CAMTA1: variants seen among roughly 807,000 people sequenced by gnomAD.
The protein encoded by CAMTA1 is calmodulin-binding transcription activator 1.
In CAMTA1, 27 loss-of-function variants were observed where a neutral mutation model predicts 170.9. The ratio of observed to expected loss-of-function variants is 0.16; its 90% CI spans 0.12 to 0.22. The LOEUF is 0.22. CAMTA1 is among the 10% of genes least tolerant of loss of function. The pLI is 1.00. For missense variants in CAMTA1, 1,619 were observed against 2,217.2 expected, an observed-to-expected ratio of 0.73 and a Z score of 5.42; for synonymous variants, 833 against 891.5, an observed-to-expected ratio of 0.93 and a Z score of 1.17.
intron 3 of CAMTA1, among the ~76,000 whole-genome samples, chr1:6,899,538 A>G (rs867815713): frequency 1.6e-4 from 19 of 117,670 alleles, no homozygotes; most frequent in African/African-American, 6.0e-4. Flanking sequence ...TATGTGTATA[A>G]CGCGCACGCG....
At chr1:7,201,857 G>T (rs539627630) in intron 4 of CAMTA1, among the ~76,000 whole-genome samples, 1 of 151,640 alleles carries the variant, frequency 6.6e-6, no homozygotes, top group African/African-American at 2.4e-5. Flanking sequence ...TTTTTTTGGT[G>T]TCCTTTGAAG....
intron 3 of CAMTA1, among the ~76,000 whole-genome samples, chr1:6,830,967 C>T (rs981801191): frequency 5.9e-5 from 9 of 151,938 alleles, no homozygotes; most frequent in Non-Finnish European, 1.2e-4. Context: ...TACAGGCACC[C>T]GTCACCACGC....
intron 6 of CAMTA1, among the ~76,000 whole-genome samples, chr1:7,629,388 AG>A (rs1388340516): frequency 6.6e-6 from 1 of 152,258 alleles, no homozygotes; most frequent in Non-Finnish European, 1.5e-5. Flanking sequence ...CTTATGGATC[AG>A]CCATCCGGGA....
intron 3 of CAMTA1, among the ~76,000 whole-genome samples, chr1:6,878,712 G>A (rs1670628966): frequency 6.6e-6 from 1 of 152,244 alleles, no homozygotes; most frequent in African/African-American, 2.4e-5. Flanking sequence ...GTTGCCATCA[G>A]CAGGAAGCTG....
chr1:7,683,775 C>T (rs2096233988), intron 11 of CAMTA1, among the ~76,000 whole-genome samples: 1 of 152,252 alleles, frequency 6.6e-6, no homozygotes, highest in Non-Finnish European at 1.5e-5. Flanking sequence ...CCGTCTCTCG[C>T]TGTCTGTGGG....
At chr1:7,196,140 C>T (rs1018152937) in intron 4 of CAMTA1, among the ~76,000 whole-genome samples, 1 of 152,088 alleles carries the variant, frequency 6.6e-6, no homozygotes, top group African/African-American at 2.4e-5. Flanking sequence ...TTGCTGTTCT[C>T]GTGATAGTGA....
intron 1 of CAMTA1, among the ~76,000 whole-genome samples, chr1:6,787,997 A>G (rs1386981830): frequency 6.6e-6 from 1 of 152,190 alleles, no homozygotes; most frequent in Non-Finnish European, 1.5e-5. Context: ...TTGGCCATTT[A>G]AATAATTGAG....
At chr1:7,149,245 C>T (rs1301065174) in intron 4 of CAMTA1, among the ~76,000 whole-genome samples, 2 of 152,342 alleles carry the variant, frequency 1.3e-5, no homozygotes, top group Non-Finnish European at 2.9e-5. Flanking sequence ...GTGCTCCTCC[C>T]TGAAGGACAG....
intron 4 of CAMTA1, among the ~76,000 whole-genome samples, chr1:7,131,492 G>C (rs946261374): frequency 2.7e-5 from 4 of 150,072 alleles, no homozygotes; most frequent in Admixed American, 2.7e-4. Context: ...TTTATGTGTG[G>C]TGTGAGATGA....
Position 7,299,646 on chromosome 1 carries a change from A to G in CAMTA1, c.438+50020A>G, listed in dbSNP as rs1023085591. ...TTCCATCTCCTCCCTGGCCACATTCAGGCAGCAATGCCCCAACCCCACACA... is the reference window on the plus strand; with the variant it reads ...TTCCATCTCCTCCCTGGCCACATTCGGGCAGCAATGCCCCAACCCCACACA... On this transcript the variant is annotated intron_variant, in intron 5 of 22. Transcript: ENST00000303635. The surrounding 1 kb of genome is among the most constrained non-coding windows in gnomAD (Gnocchi z 4.7). Among the ~76,000 whole-genome samples, 1 of 152,172 alleles carries G rather than the reference A, an allele frequency of 6.6e-6. No homozygotes were observed. The highest frequency in any genetic ancestry group is 2.4e-5 in the African/African-American group (1 of 41,438).
In CAMTA1 at chr1:6,995,295, C is replaced by CTTTTTTTTTTTTTTTTTTTTTT. The variant is rs765139922; in HGVS notation, c.235-96006_235-95985dup. ...TCCTTTAAAATCTTTTTTTTCTTTT[C>CTTTTTTTTTTTTTTTTTTTTTT]TTTTTTTTTTTTTTTTTTTTTTTTG... On this transcript the variant is annotated intron_variant, in intron 3 of 22. Coordinates refer to ENST00000303635, the MANE Select transcript of CAMTA1 (RefSeq NM_015215.4). Among the ~76,000 whole-genome samples, 57 of 60,622 alleles carry CTTTTTTTTTTTTTTTTTTTTTT rather than the reference C, an allele frequency of 9.4e-4. 7 individuals carry two copies. The highest frequency in any genetic ancestry group is 2.4e-3 in the South Asian group (3 of 1,266). 39.8% of individuals were successfully genotyped at this position (60,622 alleles called of 152,430 possible).
chr1:6,802,625 G>T (rs1475859650), intron 1 of CAMTA1, among the ~76,000 whole-genome samples: 1 of 152,234 alleles, frequency 6.6e-6, no homozygotes, highest in Non-Finnish European at 1.5e-5. Context: ...AGTGTTCAGT[G>T]TAGCTACAGA....
At chr1:6,855,464 A>AAGAG (rs369751152) in intron 3 of CAMTA1, among the ~76,000 whole-genome samples, 2 of 150,446 alleles carry the variant, frequency 1.3e-5, no homozygotes, top group African/African-American at 4.9e-5. Flanking sequence ...GAGCAGGAGC[A>AAGAG]AGAGAGAGAG....
chr1:7,034,844 T>A (rs1275123407), intron 3 of CAMTA1, among the ~76,000 whole-genome samples: 2 of 152,208 alleles, frequency 1.3e-5, no homozygotes, highest in Non-Finnish European at 2.9e-5. Flanking sequence ...CTAGTCCTTC[T>A]TACTCCATCT....
At chr1:7,499,435 T>TGTGA (rs2093929984) in intron 6 of CAMTA1, among the ~76,000 whole-genome samples, 2 of 64,246 alleles carry the variant, frequency 3.1e-5, no homozygotes, top group Non-Finnish European at 2.6e-5. Context: ...GTGAGCCTGG[T>TGTGA]GTGCATATGT....
intron 6 of CAMTA1, among the ~76,000 whole-genome samples, chr1:7,571,452 C>T (rs542094731): frequency 2.6e-5 from 4 of 152,154 alleles, no homozygotes; most frequent in Non-Finnish European, 5.9e-5. Context: ...ACATAGTACC[C>T]AATAACTATT....
intron 6 of CAMTA1, among the ~76,000 whole-genome samples, chr1:7,559,488 C>T (rs1230317309): frequency 6.6e-6 from 1 of 152,210 alleles, no homozygotes; most frequent in Admixed American, 6.5e-5. Flanking sequence ...TTAATAGTCT[C>T]AGATTAAAGG....
intron 6 of CAMTA1, among the ~76,000 whole-genome samples, chr1:7,487,032 A>AT (rs2093627798): frequency 6.6e-6 from 1 of 150,672 alleles, no homozygotes; most frequent in South Asian, 2.1e-4. Context: ...GAGGGGAAAA[A>AT]TCCCTAACAA....
Position 7,544,237 on chromosome 1 carries a change from A to G in CAMTA1, c.510+76336A>G, listed in dbSNP as rs139102167. On this transcript the variant is annotated intron_variant, in intron 6 of 22. Transcript: ENST00000303635. ...AGAAAAATGAAGAAGATGCAAAAGC[A>G]GAAACCCCTGATAAACCTATCAGAT... Among the ~76,000 whole-genome samples, 1,262 of 152,360 alleles carry G rather than the reference A, an allele frequency of 8.3e-3. 18 individuals carry two copies. Among genetic ancestry groups the G allele is most frequent in the African/African-American group, 0.029 (1,200 of 41,572 alleles).
Sources: allele counts gnomAD v4.1 joint callset (sites outside exome capture counted in the v4.1 genomes callset), GRCh38; gene constraint gnomAD v4.1.1; non-coding constraint Gnocchi (gnomAD v3.1); transcripts MANE v1.5; gene names NCBI Gene and HGNC (gene_info 2026-07-23, HGNC 2026-07-21).